Variants in CNTN4 observed in about 807,000 individuals in gnomAD.
CNTN4 encodes contactin 4.
Under a neutral mutation model 122.5 loss-of-function variants are expected in CNTN4, and 77 were observed. That is an observed-to-expected ratio of 0.63 (90% confidence interval 0.52 to 0.76). The LOEUF (loss-of-function observed/expected upper bound fraction) is 0.76. Ranked by LOEUF, CNTN4 falls within the 30% of genes least tolerant of loss-of-function variation. CNTN4 has a pLI of 0.00. For missense variants in CNTN4, 1,256 were observed against 1,259.1 expected (o/e 1.00, Z 0.04); for synonymous variants, 512 against 447.0 (o/e 1.15, Z -1.83).
At chr3:3,014,879 GTTT>G (rs5846238) in intron 14 of CNTN4, among the ~76,000 whole-genome samples, 4 of 121,540 alleles carry the variant, frequency 3.3e-5, no homozygotes, top group African/African-American at 1.3e-4. Flanking sequence ...CCCTCGATTG[GTTT>G]TTTTTTTTTT....
chr3:2,723,929 T>C (rs2088031908), intron 4 of CNTN4, among the ~76,000 whole-genome samples: 1 of 152,174 alleles, frequency 6.6e-6, no homozygotes, highest in African/African-American at 2.4e-5. Context: ...TTTTCCATCA[T>C]TAAATGAGGA....
chr3:2,370,368 T>C (rs2045586414), intron 3 of CNTN4, among the ~76,000 whole-genome samples: 1 of 152,216 alleles, frequency 6.6e-6, no homozygotes, highest in East Asian at 1.9e-4. Flanking sequence ...TTGGTTTTCC[T>C]GAAATCATAA....
chr3:2,668,293 G>A (rs567650753), intron 4 of CNTN4, among the ~76,000 whole-genome samples: 9 of 152,214 alleles, frequency 5.9e-5, no homozygotes, highest in African/African-American at 2.2e-4. Flanking sequence ...AGTTCTCCTG[G>A]AAGAGGTCCT....
intron 3 of CNTN4, among the ~76,000 whole-genome samples, chr3:2,447,057 G>A (rs983717830): frequency 2.0e-5 from 3 of 152,020 alleles, no homozygotes; most frequent in Non-Finnish European, 2.9e-5. Flanking sequence ...AAAAATTATG[G>A]GAGTTTCATA....
chr3:2,669,967 A>G (rs577903045), intron 4 of CNTN4, among the ~76,000 whole-genome samples: 14 of 152,174 alleles, frequency 9.2e-5, no homozygotes, highest in Non-Finnish European at 1.9e-4. Context: ...ACAATTTGTT[A>G]TAATTTCTGT....
chr3:2,158,126 A>G (rs73806353), intron 2 of CNTN4, among the ~76,000 whole-genome samples: 3,256 of 152,260 alleles, frequency 0.021, 105 homozygotes, highest in African/African-American at 0.074. Flanking sequence ...GAATGCTTGA[A>G]GGGGCTTTTA....
chr3:2,943,986 T>C (rs6796712), intron 13 of CNTN4, among the ~76,000 whole-genome samples: 115,729 of 151,938 alleles, frequency 0.76, 45,073 homozygotes, highest in African/African-American at 0.92. Flanking sequence ...GATGTTTGTA[T>C]TTGTATATGT....
intron 4 of CNTN4, among the ~76,000 whole-genome samples, chr3:2,653,373 C>A (rs991328865): frequency 1.3e-5 from 2 of 152,030 alleles, no homozygotes; most frequent in African/African-American, 4.8e-5. Context: ...GTACATTAAC[C>A]AGAGCTGTAG....
intron 9 of CNTN4, among the ~76,000 whole-genome samples, chr3:2,884,146 C>G (rs567291167): frequency 1.3e-5 from 2 of 151,972 alleles, no homozygotes; most frequent in East Asian, 3.9e-4. Context: ...CGTATGTTGC[C>G]CAGGCTAGTC....
chr3:2,527,198 G>T (rs989340030), intron 3 of CNTN4, among the ~76,000 whole-genome samples: 4 of 152,140 alleles, frequency 2.6e-5, no homozygotes, highest in African/African-American at 7.2e-5. Flanking sequence ...GATTCCTTCT[G>T]GTCATTACAT....
At chr3:2,281,760 GAATT>G (rs2041724006) in intron 2 of CNTN4, among the ~76,000 whole-genome samples, 1 of 151,924 alleles carries the variant, frequency 6.6e-6, no homozygotes, top group Admixed American at 6.6e-5. Flanking sequence ...ATAATTATAG[GAATT>G]AATTAATTTG....
intron 4 of CNTN4, among the ~76,000 whole-genome samples, chr3:2,654,868 G>A (rs927748142): frequency 2.0e-5 from 3 of 151,996 alleles, no homozygotes; most frequent in Admixed American, 6.6e-5. Flanking sequence ...TATCTTCTGC[G>A]TGGCACTAGC....
intron 12 of CNTN4, among the ~76,000 whole-genome samples, chr3:2,907,380 C>T (rs1343035618): frequency 1.3e-5 from 2 of 152,136 alleles, no homozygotes; most frequent in African/African-American, 4.8e-5. Flanking sequence ...CCAGAACAGC[C>T]TGGCCACCAT....
At chr3:2,197,311 G>C (rs1055592714) in intron 2 of CNTN4, among the ~76,000 whole-genome samples, 2 of 152,098 alleles carry the variant, frequency 1.3e-5, no homozygotes, top group African/African-American at 4.8e-5. Flanking sequence ...AACTGCAAAA[G>C]CTGTCATTTT....
chr3:2,476,064 C>G (rs1031877697), intron 3 of CNTN4, among the ~76,000 whole-genome samples: 4 of 152,164 alleles, frequency 2.6e-5, no homozygotes, highest in African/African-American at 9.7e-5. Flanking sequence ...AAATTCACTC[C>G]AAATAAGTCA....
At chr3:2,135,419 G>A (rs908837360) in intron 2 of CNTN4, among the ~76,000 whole-genome samples, 1 of 152,208 alleles carries the variant, frequency 6.6e-6, no homozygotes, top group African/African-American at 2.4e-5. Flanking sequence ...TCTCTATTCT[G>A]TAAGATGTAA....
rs13324880 is a variant in CNTN4, at chr3:2,868,036, C to G, written c.652+1087C>G. ...AGTCGTTGTAGACATGTTCAGGTTT[C>G]TATTCTTTTTAAATCCTTTTACTGT... is the stretch of plus-strand genomic sequence containing the variant. On this transcript the variant is annotated intron_variant, in intron 8 of 24. Transcript: ENST00000418658. 6.3e-3 allele frequency among the ~76,000 whole-genome samples: 960 copies of G among 152,218 alleles called. 14 individuals carry two copies. The highest frequency in any genetic ancestry group is 0.022 in the African/African-American group (898 of 41,552).
intron 14 of CNTN4, among the ~76,000 whole-genome samples, chr3:3,005,177 TCA>T: frequency 6.6e-6 from 1 of 152,226 alleles, no homozygotes; most frequent in Non-Finnish European, 1.5e-5. Flanking sequence ...AGTCAGTGAT[TCA>T]CACCGAGGCT....
chr3:2,403,391 C>G (rs1012818771), intron 3 of CNTN4, among the ~76,000 whole-genome samples: 4 of 151,954 alleles, frequency 2.6e-5, no homozygotes, highest in Non-Finnish European at 5.9e-5. Flanking sequence ...TTTTTTTTGT[C>G]TCACTGTTCT....
Sources: allele counts gnomAD v4.1 joint callset (sites outside exome capture counted in the v4.1 genomes callset), GRCh38; gene constraint gnomAD v4.1.1; transcripts MANE v1.5; gene names NCBI Gene and HGNC (gene_info 2026-07-23, HGNC 2026-07-21).